The following KRTAP4-3 variants were observed in gnomAD, a reference collection of about 807,000 sequenced individuals.
KRTAP4-3 encodes keratin-associated protein 4-3.
KRTAP4-3 carries 2 observed loss-of-function variants against 0.2 expected under a neutral mutation model. The observed-to-expected ratio is 8.29, with a 90% CI of 3.39 to 26.09. The LOEUF (loss-of-function observed/expected upper bound fraction) is 26.09, where lower values mean the gene tolerates loss of function less well. Among genes scored for constraint, KRTAP4-3 ranks in the 30% most tolerant of loss-of-function variants. KRTAP4-3 has a pLI of 0.03. For missense variants in KRTAP4-3, 186 were observed against 247.4 expected, an observed-to-expected ratio of 0.75 and a Z score of 1.67; for synonymous variants, 65 against 83.6, an observed-to-expected ratio of 0.78 and a Z score of 1.21.
rs12942163 is a variant in KRTAP4-3, at chr17:41,168,044, G to A, written c.129C>T (p.Ser43=). The A allele has an allele frequency of 6.2e-7, 1 of 1,613,724 alleles. No homozygotes were observed. The highest frequency in any genetic ancestry group is 1.1e-5 in the South Asian group (1 of 91,030). The part of the protein sequence containing the change: ...TCCRTTCCRP[S]CCISSCCRPS... ...GCCTGCAGCAACTGGAAATGCAGCA[G>A]CTGGGGCGGCAGCAGGTGGTCCTGC... is the stretch of plus-strand genomic sequence containing the variant. The change falls in exon 1 of 1, where the codon AGC becomes AGT. Residue 43 remains serine, a synonymous_variant. Coordinates refer to ENST00000391356, the MANE Select transcript of KRTAP4-3 (RefSeq NM_033187.2).
Position 41,167,575 on chromosome 17 carries a change from G to A in KRTAP4-3, c.*10C>T. 1 of 1,588,056 alleles carries A rather than the reference G, an allele frequency of 6.3e-7. No individual in the cohort carries two copies. The highest frequency in any genetic ancestry group is 8.6e-7 in the Non-Finnish European group (1 of 1,163,716). ...GAGCAAGAAGGTGCACAAATCCAGA[G>A]CAGCTTCACTCAGCAGCAAGAACTG... On this transcript the variant is annotated 3_prime_UTR_variant, in exon 1 of 1. Coordinates refer to ENST00000391356, the MANE Select transcript of KRTAP4-3 (RefSeq NM_033187.2).
In KRTAP4-3 at chr17:41,168,089, G is replaced by C. The variant is rs769426537; in HGVS notation, c.84C>G (p.Ser28Arg). The C allele has an allele frequency of 2.2e-5, 36 of 1,613,852 alleles. No homozygotes were observed. In the Middle Eastern group the frequency reaches 4.9e-4, roughly 22 times the overall value. ...GLGQESCCRPSCCQTTCCRTT... is the reference protein window; with the variant it reads ...GLGQESCCRPRCCQTTCCRTT... ...TCCTGCAGCAGGTGGTCTGGCAGCA[G>C]CTGGGGCGGCAGCAGCTCTCCTGGC... Residue 28 changes from serine (S) to arginine (R), a missense_variant, in exon 1 of 1, where the codon AGC becomes AGG. Physicochemically the swap from Ser to Arg is moderately radical, Grantham distance 110. Transcript: ENST00000391356.
rs1175643265 is a variant in KRTAP4-3, at chr17:41,167,679, C to T, written c.494G>A (p.Cys165Tyr). The T allele has an allele frequency of 1.2e-6, 2 of 1,613,972 alleles. No homozygotes were observed. The highest frequency in any genetic ancestry group is 1.3e-5 in the African/African-American group (1 of 74,938). ...CISSCCHPSC[C>Y]VSSCRCPFSC... is the part of the protein sequence containing the mutation. The stretch of plus-strand genomic sequence containing the variant: ...GAAAGGGCAGCGGCAGCTGGACACA[C>T]AGCAGCTGGGATGACAGCAACTAGA... The change falls in exon 1 of 1, where the codon TGT (cysteine) becomes TAT (tyrosine). Residue 165 changes from cysteine (C) to tyrosine (Y), a missense_variant. Physicochemically the swap from Cys to Tyr is radical, Grantham distance 194. Transcript: ENST00000391356.
rs1009729599 is a variant in KRTAP4-3, at chr17:41,167,279, C to T, written c.*306G>A. 1 of 277,646 alleles carries T rather than the reference C, an allele frequency of 3.6e-6. No individual in the cohort carries two copies. The highest frequency in any genetic ancestry group is 6.7e-6 in the Non-Finnish European group (1 of 149,366). 17.2% of individuals were successfully genotyped at this position (277,646 alleles called of 1,614,324 possible). On this transcript the variant is annotated 3_prime_UTR_variant, in exon 1 of 1. Transcript: ENST00000391356. ...TATTGAGGAACATCAAACAATTCCA[C>T]ATGAAAATTGATACCACAGAAAACA... is the stretch of plus-strand genomic sequence containing the variant.
rs571513370 is a variant in KRTAP4-3 at position 41,168,176 on chromosome 17, G to C, written c.-4C>G. Reference sequence around the variant, plus strand: ...AGCCACAGCAGGAGCTGACCATGGCGTCAGAGGGTGGAGGTTCTGGGTGGG... The same window carrying C: ...AGCCACAGCAGGAGCTGACCATGGCCTCAGAGGGTGGAGGTTCTGGGTGGG... On this transcript the variant is annotated 5_prime_UTR_variant, in exon 1 of 1. Transcript: ENST00000391356. The C allele has an allele frequency of 1.3e-6, 2 of 1,596,486 alleles. No homozygotes were observed. The highest frequency in any genetic ancestry group is 3.4e-5 in the Admixed American group (2 of 59,260).
In KRTAP4-3 at chr17:41,167,757, C is replaced by G; in HGVS notation, c.416G>C (p.Cys139Ser). 2 of 1,613,888 alleles carry G rather than the reference C, an allele frequency of 1.2e-6. No homozygotes were observed. Among genetic ancestry groups the G allele is most frequent in the Non-Finnish European group, 1.7e-6 (2 of 1,179,904 alleles). Residue 139 changes from cysteine to serine, a missense_variant, in exon 1 of 1, where the codon TGC becomes TCC. Cys to Ser is a moderately radical substitution (Grantham distance 112, BLOSUM62 -1). Transcript: ENST00000391356. ...GGGCTGGCAGCACTGGGGCCTGTAG[C>G]AGCTGGAGATACAGCAGCTGGGGCG... ...CCRPSCCISS[C>S]YRPQCCQPSC...
chr17:41,167,574 A>G lies in KRTAP4-3; in HGVS notation c.*11T>C, dbSNP rs776964861. On this transcript the variant is annotated 3_prime_UTR_variant, in exon 1 of 1. Coordinates refer to ENST00000391356, the MANE Select transcript of KRTAP4-3 (RefSeq NM_033187.2). The stretch of plus-strand genomic sequence containing the variant: ...AGAGCAAGAAGGTGCACAAATCCAG[A>G]GCAGCTTCACTCAGCAGCAAGAACT... 1.3e-6 allele frequency: 2 copies of G among 1,585,096 alleles called. No homozygotes were observed. The highest frequency in any genetic ancestry group is 8.6e-7 in the Non-Finnish European group (1 of 1,161,228).
chr17:41,168,118 G>T lies in KRTAP4-3; in HGVS notation c.55C>A (p.Leu19Ile). 1 of 1,606,732 alleles carries T rather than the reference G, an allele frequency of 6.2e-7. No homozygotes were observed. The highest frequency in any genetic ancestry group is 8.5e-7 in the Non-Finnish European group (1 of 1,178,372). Residue 19 changes from leucine (L) to isoleucine (I), a missense_variant, in exon 1 of 1, where the codon CTC becomes ATC. Leu to Ile is a conservative substitution (Grantham distance 5, BLOSUM62 2). This residue lies in a region of KRTAP4-3 where 39 missense variants were observed against 54.0 expected (regional missense o/e 0.72). Transcript: ENST00000391356. ...GGGCGGCAGCAGCTCTCCTGGCCGA[G>T]ACCTTGACCACAGCTCTGGTCAGAG... is the stretch of plus-strand genomic sequence containing the variant. ...VCSDQSCGQG[L>I]GQESCCRPSC...
Position 41,167,601 on chromosome 17 carries a change from C to A in KRTAP4-3, c.572G>T (p.Gly191Val). 1.9e-6 allele frequency: 3 copies of A among 1,605,838 alleles called. No individual in the cohort carries two copies. Among genetic ancestry groups the A allele is most frequent in the Non-Finnish European group, 2.6e-6 (3 of 1,174,246 alleles). Residue 191 changes from glycine (G) to valine (V), a missense_variant, in exon 1 of 1, where the codon GGC becomes GTC. Physicochemically the swap from Gly to Val is moderately radical, Grantham distance 109 (BLOSUM62 -3). Coordinates refer to ENST00000391356, the MANE Select transcript of KRTAP4-3 (RefSeq NM_033187.2). ...RTTCFHPICC[G>V]SSCC The stretch of plus-strand genomic sequence containing the variant: ...CAGCTTCACTCAGCAGCAAGAACTG[C>A]CGCAGCAGATGGGGTGGAAGCAGGT...
Position 41,167,617 on chromosome 17 carries a change from G to A in KRTAP4-3, c.556C>T (p.His186Tyr). 2 of 1,611,180 alleles carry A rather than the reference G, an allele frequency of 1.2e-6. No homozygotes were observed. The highest frequency in any genetic ancestry group is 1.1e-5 in the South Asian group (1 of 90,910). ...PTTCCRTTCF[H>Y]PICCGSSCC ...CAAGAACTGCCGCAGCAGATGGGGT[G>A]GAAGCAGGTTGTTCTACAGCAGGTG... The change falls in exon 1 of 1, where the codon CAC becomes TAC. Residue 186 changes from histidine (H) to tyrosine (Y), a missense_variant. By Grantham distance (83) the His-to-Tyr change is moderately conservative. This residue lies in a region of KRTAP4-3 where 139 missense variants were observed against 128.3 expected (regional missense o/e 1.08). Transcript: ENST00000391356.
In KRTAP4-3 at chr17:41,167,385, G is replaced by C. The variant is rs139589978; in HGVS notation, c.*200C>G. On this transcript the variant is annotated 3_prime_UTR_variant, in exon 1 of 1. Coordinates refer to ENST00000391356, the MANE Select transcript of KRTAP4-3 (RefSeq NM_033187.2). ...AATAAAGAATTCTAAAACATGTGAT[G>C]TGGAATTTGACTGTAAATTCAGATT... 120 of 509,390 alleles carry C rather than the reference G, an allele frequency of 2.4e-4. No homozygotes were observed. In the East Asian group the frequency reaches 2.9e-3, roughly 12 times the overall value. The allele number at this position is 509,390 out of a possible 1,614,324, so 31.6% of individuals were successfully genotyped here.
Position 41,167,615 on chromosome 17 carries a change from G to C in KRTAP4-3, c.558C>G (p.His186Gln), listed in dbSNP as rs750063517. The C allele has an allele frequency of 7.4e-6, 12 of 1,610,860 alleles. No individual in the cohort carries two copies. The African/African-American group carries it at 1.2e-4, about 16-fold the overall frequency. Residue 186 changes from histidine to glutamine, a missense_variant, in exon 1 of 1, where the codon CAC becomes CAG. Physicochemically the swap from His to Gln is conservative, Grantham distance 24 (BLOSUM62 0). Transcript: ENST00000391356. ...PTTCCRTTCF[H>Q]PICCGSSCC ...AGCAAGAACTGCCGCAGCAGATGGG[G>C]TGGAAGCAGGTTGTTCTACAGCAGG...
In KRTAP4-3 at chr17:41,168,082, G is replaced by A; in HGVS notation, c.91C>T (p.Gln31Ter). ...CAGGTGGTCCTGCAGCAGGTGGTCT[G>A]GCAGCAGCTGGGGCGGCAGCAGCTC... ...QESCCRPSCCQTTCCRTTCCR... is the reference protein window; with the variant it reads ...QESCCRPSCC Residue 31 changes from glutamine (Q) to a stop codon, truncating the protein, a stop_gained, in exon 1 of 1, where the codon CAG becomes TAG. Transcript: ENST00000391356. LOFTEE classifies it low-confidence loss of function (END_TRUNC). 1.2e-6 allele frequency: 2 copies of A among 1,613,354 alleles called. No individual in the cohort carries two copies. Among genetic ancestry groups the A allele is most frequent in the Non-Finnish European group, 1.7e-6 (2 of 1,179,658 alleles).
At position 41,167,591 on chromosome 17, in the gene KRTAP4-3, G is replaced by T; in HGVS notation, c.582C>A (p.Cys194Ter). 1 of 1,602,006 alleles carries T rather than the reference G, an allele frequency of 6.2e-7. No individual in the cohort carries two copies. The highest frequency in any genetic ancestry group is 1.7e-5 in the Admixed American group (1 of 59,688). ...CFHPICCGSS[C>*]C ...AAATCCAGAGCAGCTTCACTCAGCA[G>T]CAAGAACTGCCGCAGCAGATGGGGT... is the stretch of plus-strand genomic sequence containing the variant. Residue 194 changes from cysteine to a stop codon, truncating the protein, a stop_gained, in exon 1 of 1, where the codon TGC (cysteine) becomes TGA (stop). Transcript: ENST00000391356. LOFTEE classifies it high-confidence loss of function.
chr17:41,167,648 G>A lies in KRTAP4-3; in HGVS notation c.525C>T (p.Cys175=). The A allele has an allele frequency of 1.2e-6, 2 of 1,613,762 alleles. No homozygotes were observed. The highest frequency in any genetic ancestry group is 1.7e-4 in the Middle Eastern group (1 of 6,054). The stretch of plus-strand genomic sequence containing the variant: ...AGGTTGTTCTACAGCAGGTGGTCGG[G>A]CAGCTGAAAGGGCAGCGGCAGCTGG... ...CVSSCRCPFS[C]PTTCCRTTCF... The change falls in exon 1 of 1, where the codon TGC becomes TGT. Residue 175 remains cysteine (C), a synonymous_variant. Coordinates refer to ENST00000391356, the MANE Select transcript of KRTAP4-3 (RefSeq NM_033187.2).
rs2015059337 is a variant in KRTAP4-3, at chr17:41,167,624, G to A, written c.549C>T (p.Thr183=). ...TGCCGCAGCAGATGGGGTGGAAGCA[G>A]GTTGTTCTACAGCAGGTGGTCGGGC... The part of the protein sequence containing the change: ...FSCPTTCCRT[T]CFHPICCGSS... The change falls in exon 1 of 1, where the codon ACC becomes ACT. Residue 183 remains threonine, a synonymous_variant. Coordinates refer to ENST00000391356, the MANE Select transcript of KRTAP4-3 (RefSeq NM_033187.2). 1.2e-6 allele frequency: 2 copies of A among 1,612,246 alleles called. No individual in the cohort carries two copies. The highest frequency in any genetic ancestry group is 1.7e-6 in the Non-Finnish European group (2 of 1,178,454).
Position 41,167,586 on chromosome 17 carries a change from C to G in KRTAP4-3, c.587G>C (p.Ter196SerextTer30). Residue 196 changes from the stop codon to serine (S), a stop_lost, in exon 1 of 1, where the codon TGA becomes TCA. Coordinates refer to ENST00000391356, the MANE Select transcript of KRTAP4-3 (RefSeq NM_033187.2). ...TGCACAAATCCAGAGCAGCTTCACT[C>G]AGCAGCAAGAACTGCCGCAGCAGAT... Reference protein sequence around the residue: ...HPICCGSSCC* With the variant: ...HPICCGSSCCS 1 of 1,598,722 alleles carries G rather than the reference C, an allele frequency of 6.3e-7. No individual in the cohort carries two copies. Among genetic ancestry groups the G allele is most frequent in the Non-Finnish European group, 8.5e-7 (1 of 1,170,146 alleles).
rs543852157 is a variant in KRTAP4-3, at chr17:41,167,445, A to T, written c.*140T>A. ...TAAAAACTTCTATAAAAGAGAATAC[A>T]TACTAATAAAATATTTTCCAAATCA... On this transcript the variant is annotated 3_prime_UTR_variant, in exon 1 of 1. Coordinates refer to ENST00000391356, the MANE Select transcript of KRTAP4-3 (RefSeq NM_033187.2). The T allele has an allele frequency of 4.7e-6, 3 of 641,420 alleles. No homozygotes were observed. Among genetic ancestry groups the T allele is most frequent in the African/African-American group, 3.7e-5 (2 of 54,650 alleles). 39.7% of individuals were successfully genotyped at this position (641,420 alleles called of 1,614,324 possible). A position where few individuals can be genotyped will look rare whatever the true frequency, so the allele number is the denominator to read the frequency against.
Position 41,168,201 on chromosome 17 carries a change from G to A in KRTAP4-3, c.-29C>T, listed in dbSNP as rs757623740. ...GTCAGAGGGTGGAGGTTCTGGGTGGGTTCCCAGGAGAATGAGGTTCTGGAG... is the reference window on the plus strand; with the variant it reads ...GTCAGAGGGTGGAGGTTCTGGGTGGATTCCCAGGAGAATGAGGTTCTGGAG... On this transcript the variant is annotated 5_prime_UTR_variant, in exon 1 of 1. Transcript: ENST00000391356. 1.3e-6 allele frequency: 2 copies of A among 1,563,434 alleles called. No individual in the cohort carries two copies. The highest frequency in any genetic ancestry group is 1.8e-5 in the Admixed American group (1 of 55,040).
Sources: allele counts gnomAD v4.1 joint callset, GRCh38; gene constraint gnomAD v4.1.1; regional missense constraint gnomAD v4.1.1; transcripts MANE v1.5; gene names NCBI Gene and HGNC (gene_info 2026-07-23, HGNC 2026-07-21).